DOCK10: variants seen among roughly 807,000 people sequenced by gnomAD.
DOCK10 encodes the protein dedicator of cytokinesis 10, also known as dedicator of cytokinesis protein 10.
A neutral mutation model predicts 280.1 loss-of-function variants in DOCK10; 145 were observed. That is an observed-to-expected ratio of 0.52 (90% confidence interval 0.45 to 0.59). DOCK10 has a LOEUF of 0.59. Ranked by LOEUF, DOCK10 falls within the 20% of genes least tolerant of loss-of-function variation. The pLI is 0.00. For synonymous variants in DOCK10, 915 were observed against 942.2 expected, an observed-to-expected ratio of 0.97 and a Z score of 0.53; for missense variants, 2,368 against 2,651.7, an observed-to-expected ratio of 0.89 and a Z score of 2.35.
intron 30 of DOCK10, among the ~76,000 whole-genome samples, chr2:224,815,363 T>A (rs374295548): frequency 1.1e-3 from 167 of 151,932 alleles, no homozygotes; most frequent in African/African-American, 3.6e-3. Context: ...AGTGTGACAA[T>A]GGACTAAGAC....
chr2:224,783,797 A>G (rs891108124), intron 50 of DOCK10, among the ~76,000 whole-genome samples: 21 of 151,888 alleles, frequency 1.4e-4, no homozygotes, highest in African/African-American at 4.4e-4. Context: ...TCCCAAATTT[A>G]TAAATGAACA....
chr2:225,004,195 T>G (rs543482176), intron 1 of DOCK10, among the ~76,000 whole-genome samples: 1 of 152,332 alleles, frequency 6.6e-6, no homozygotes, highest in Non-Finnish European at 1.5e-5. Context: ...CCTTTCAAGA[T>G]GAAATCCTCT....
intron 1 of DOCK10, among the ~76,000 whole-genome samples, chr2:225,040,491 C>A (rs1053567954): frequency 6.1e-5 from 9 of 147,934 alleles, no homozygotes; most frequent in African/African-American, 2.0e-4. Context: ...TCAAATCTGA[C>A]ATAATTTTGG....
At chr2:224,835,450 GCAT>G (rs1695531913) in intron 25 of DOCK10, among the ~76,000 whole-genome samples, 1 of 152,242 alleles carries the variant, frequency 6.6e-6, no homozygotes, top group African/African-American at 2.4e-5. Flanking sequence ...TGTGCATTTT[GCAT>G]ATTGTAGACG....
In DOCK10 at chr2:224,922,176, A is replaced by T. The variant is rs1701799239; in HGVS notation, c.244-5392T>A. Among the ~76,000 whole-genome samples the T allele has an allele frequency of 5.3e-5, 8 of 151,952 alleles. No homozygotes were observed. The South Asian group carries it at 1.7e-3, about 32-fold the overall frequency. ...GACTCCACAAGTTTCCACTTTAAAA[A>T]CTGTGGCACTTCTTCTCATTTTAGA... On this transcript the variant is annotated intron_variant, in intron 2 of 55. Transcript: ENST00000258390.
chr2:224,909,621 T>G (rs539823373), intron 3 of DOCK10, among the ~76,000 whole-genome samples: 4 of 152,254 alleles, frequency 2.6e-5, no homozygotes, highest in African/African-American at 7.2e-5. Flanking sequence ...ATGTCAAAGA[T>G]AGCAAAGCCT....
In DOCK10 at chr2:224,770,291, C is replaced by T. The variant is rs1463841739; in HGVS notation, c.6364G>A (p.Asp2122Asn). 6.2e-7 allele frequency: 1 copy of T among 1,607,170 alleles called. No homozygotes were observed. The highest frequency in any genetic ancestry group is 8.5e-7 in the Non-Finnish European group (1 of 1,176,800). Residue 2122 changes from aspartate to asparagine, a missense_variant, in exon 55 of 56, where the codon GAC (aspartate) becomes AAC (asparagine). Physicochemically the swap from Asp to Asn is conservative, Grantham distance 23. Coordinates refer to ENST00000258390, the MANE Select transcript of DOCK10 (RefSeq NM_014689.3). This position sits in a 1 kb window ranked among gnomAD's most constrained non-coding sequence, Gnocchi z 4.5. ...AGTTCTTCCTGGTACTCCAGCTGGT[C>T]CTCTTTGATGAGGCGCTCATTCACG... ...LDVNERLIKE[D>N]QLEYQEELRS...
intron 1 of DOCK10, among the ~76,000 whole-genome samples, chr2:224,943,366 C>T (rs778213839): frequency 6.6e-6 from 1 of 151,998 alleles, no homozygotes; most frequent in Admixed American, 6.6e-5. Flanking sequence ...CCAGAATATA[C>T]AGACTAGTCC....
Position 224,786,078 on chromosome 2 carries a change from C to T in DOCK10, c.5655+944G>A, listed in dbSNP as rs1691711819. 6.6e-6 allele frequency among the ~76,000 whole-genome samples: 1 copy of T among 152,144 alleles called. No homozygotes were observed. Among genetic ancestry groups the T allele is most frequent in the Non-Finnish European group, 1.5e-5 (1 of 68,026 alleles). On this transcript the variant is annotated intron_variant, in intron 50 of 55. Coordinates refer to ENST00000258390, the MANE Select transcript of DOCK10 (RefSeq NM_014689.3). The surrounding 1 kb of genome is among the most constrained non-coding windows in gnomAD (Gnocchi z 4.7). ...GGGCATGGTGGCACCTGCCTGTAATCCCAGCTACTCGGGAGGCTGAGGCAG... is the reference window on the plus strand; with the variant it reads ...GGGCATGGTGGCACCTGCCTGTAATTCCAGCTACTCGGGAGGCTGAGGCAG...
Position 224,807,332 on chromosome 2 carries a change from G to A in DOCK10, c.3702+336C>T, listed in dbSNP as rs186752133. 15 of 201,402 alleles carry A rather than the reference G, an allele frequency of 7.4e-5. No homozygotes were observed. In the East Asian group the frequency reaches 1.4e-3, roughly 19 times the overall value. 12.5% of individuals were successfully genotyped at this position (201,402 alleles called of 1,614,324 possible). A position where few individuals can be genotyped will look rare whatever the true frequency, so the allele number is the denominator to read the frequency against. On this transcript the variant is annotated intron_variant, in intron 33 of 55. Transcript: ENST00000258390. ...ACTTGGCTATTTATTCTGACACCAGGGGGGGATGTAGGGAATGTAGAAAGT... is the reference window on the plus strand; with the variant it reads ...ACTTGGCTATTTATTCTGACACCAGAGGGGGATGTAGGGAATGTAGAAAGT...
chr2:224,973,222 G>A (rs1335294364), intron 1 of DOCK10, among the ~76,000 whole-genome samples: 1 of 152,170 alleles, frequency 6.6e-6, no homozygotes, highest in African/African-American at 2.4e-5. Flanking sequence ...AACCCTGATA[G>A]ATAGTATGGT....
At chr2:224,973,536 A>G (rs1705218167) in intron 1 of DOCK10, among the ~76,000 whole-genome samples, 2 of 152,152 alleles carry the variant, frequency 1.3e-5, no homozygotes, top group Non-Finnish European at 2.9e-5. Flanking sequence ...AACTTGGAAA[A>G]GGCAAGGAAA....
chr2:225,005,105 C>A (rs1455247974), intron 1 of DOCK10, among the ~76,000 whole-genome samples: 2 of 152,128 alleles, frequency 1.3e-5, no homozygotes, highest in East Asian at 1.9e-4. Flanking sequence ...ACCTCATGTT[C>A]TCTTTGGAAA....
rs79924132 is a variant in DOCK10, at chr2:224,982,638, T to C, written c.124-50970A>G. The stretch of plus-strand genomic sequence containing the variant: ...ATTCACATCGAGAGCATGTTTCCTG[T>C]TCATTACAATGAAGCTCTTCGATTC... On this transcript the variant is annotated intron_variant, in intron 1 of 55. Coordinates refer to ENST00000258390, the MANE Select transcript of DOCK10 (RefSeq NM_014689.3). 3,958 of 485,998 alleles carry C rather than the reference T, an allele frequency of 8.1e-3. 29 individuals are homozygous for C. The highest frequency in any genetic ancestry group is 0.016 in the South Asian group (184 of 11,308). The allele number at this position is 485,998 out of a possible 1,614,324, so 30.1% of individuals were successfully genotyped here. A position where few individuals can be genotyped will look rare whatever the true frequency, so the allele number is the denominator to read the frequency against.
chr2:224,969,187 C>T (rs976853996), intron 1 of DOCK10, among the ~76,000 whole-genome samples: 3 of 152,134 alleles, frequency 2.0e-5, no homozygotes, highest in African/African-American at 7.2e-5. Flanking sequence ...AATGGGGGTA[C>T]CAGATTTCTC....
At chr2:224,940,565 AC>A (rs1340835921) in intron 1 of DOCK10, among the ~76,000 whole-genome samples, 11 of 152,220 alleles carry the variant, frequency 7.2e-5, no homozygotes, top group African/African-American at 2.2e-4. Context: ...TGTGAAAAGT[AC>A]ACCAGGTATC....
Position 224,800,244 on chromosome 2 carries a change from G to A in DOCK10, c.4413C>T (p.Asp1471=). The change falls in exon 41 of 56, where the codon GAC becomes GAT. Residue 1471 remains aspartate, a synonymous_variant. Transcript: ENST00000258390. ...NTMTSNSNEI[D]IVHHVDTEAN... ...CCTCAGTGTCTACATGATGCACGAT[G>A]TCTATTTCATTGGAGTTGCCTATAA... The A allele has an allele frequency of 6.2e-7, 1 of 1,609,866 alleles. No individual in the cohort carries two copies. The highest frequency in any genetic ancestry group is 8.5e-7 in the Non-Finnish European group (1 of 1,177,264).
intron 14 of DOCK10, chr2:224,861,452 A>G (rs1318710197): frequency 6.6e-6 from 1 of 152,240 alleles, no homozygotes. Flanking sequence ...CTCCCTTGCT[A>G]TGACGCTGCC....
At chr2:224,921,112 A>AAAAAAAAAAAAATATAT in intron 2 of DOCK10, among the ~76,000 whole-genome samples, 1 of 54,416 alleles carries the variant, frequency 1.8e-5, no homozygotes, top group Non-Finnish European at 3.0e-5. Flanking sequence ...AAAAAAAAAA[A>AAAAAAAAAAAAATATAT]ATATATATAT....
Sources: allele counts gnomAD v4.1 joint callset (sites outside exome capture counted in the v4.1 genomes callset), GRCh38; gene constraint gnomAD v4.1.1; non-coding constraint Gnocchi (gnomAD v3.1); transcripts MANE v1.5; gene names NCBI Gene and HGNC (gene_info 2026-07-23, HGNC 2026-07-21).